Variants in ZNF407 observed in about 807,000 individuals in gnomAD.
ZNF407 encodes zinc finger protein 407.
Under a neutral mutation model 131.2 loss-of-function variants are expected in ZNF407, and 17 were observed. The observed-to-expected ratio is 0.13, with a 90% CI of 0.09 to 0.19. The LOEUF (loss-of-function observed/expected upper bound fraction) is 0.19, where lower values mean the gene tolerates loss of function less well. ZNF407 is among the 10% of genes least tolerant of loss of function. The pLI is 1.00. For synonymous variants in ZNF407, 1,156 were observed against 1,062.0 expected (o/e 1.09, Z -1.72); for missense variants, 2,681 against 2,830.6 (o/e 0.95, Z 1.20).
intron 8 of ZNF407, among the ~76,000 whole-genome samples, chr18:75,013,140 AG>A (rs1164196908): frequency 6.6e-6 from 1 of 152,138 alleles, no homozygotes; most frequent in Admixed American, 6.6e-5. Context: ...GCTGTGCTGC[AG>A]ATCGCCTGCG....
intron 8 of ZNF407, among the ~76,000 whole-genome samples, chr18:74,944,812 G>T (rs1443080026): frequency 6.6e-6 from 1 of 152,216 alleles, no homozygotes; most frequent in Non-Finnish European, 1.5e-5. Flanking sequence ...TTTTAAAGGA[G>T]TTCCAAAGAA....
chr18:74,768,741 T>C (rs1969297764), intron 3 of ZNF407, among the ~76,000 whole-genome samples: 1 of 152,220 alleles, frequency 6.6e-6, no homozygotes, highest in Non-Finnish European at 1.5e-5. Context: ...AATACCGTAA[T>C]GTGTATCTAC....
At chr18:74,637,663 G>GT (rs1019856763) in intron 2 of ZNF407, among the ~76,000 whole-genome samples, 1 of 152,002 alleles carries the variant, frequency 6.6e-6, no homozygotes, top group African/African-American at 2.4e-5. Flanking sequence ...TTAATTCAGG[G>GT]TTTTTTTCTT....
intron 8 of ZNF407, among the ~76,000 whole-genome samples, chr18:75,014,676 G>A (rs900758985): frequency 6.6e-6 from 1 of 152,128 alleles, no homozygotes; most frequent in Middle Eastern, 3.4e-3. Context: ...TGCATTGAGG[G>A]TAAGGGACAT....
intron 3 of ZNF407, among the ~76,000 whole-genome samples, chr18:74,687,996 A>C (rs1475255086): frequency 6.6e-6 from 1 of 152,200 alleles, no homozygotes. Flanking sequence ...AAATTAATTT[A>C]AAGGGATAAT....
chr18:74,900,137 A>T (rs1971504550), intron 7 of ZNF407, among the ~76,000 whole-genome samples: 1 of 152,234 alleles, frequency 6.6e-6, no homozygotes, highest in Non-Finnish European at 1.5e-5. Context: ...GATGGCTAGT[A>T]CAGTGTATAC....
chr18:74,707,363 G>T (rs1353301812), intron 3 of ZNF407, among the ~76,000 whole-genome samples: 1 of 152,144 alleles, frequency 6.6e-6, no homozygotes, highest in East Asian at 1.9e-4. Flanking sequence ...GTAAGTACAG[G>T]CTGAGCATCC....
At chr18:74,796,716 A>G (rs1224643298) in intron 4 of ZNF407, among the ~76,000 whole-genome samples, 1 of 152,152 alleles carries the variant, frequency 6.6e-6, no homozygotes, top group Non-Finnish European at 1.5e-5. Context: ...TAGGTGACAG[A>G]TTAAAAATGC....
intron 3 of ZNF407, among the ~76,000 whole-genome samples, chr18:74,650,467 G>T (rs1985176569): frequency 6.6e-6 from 1 of 152,168 alleles, no homozygotes; most frequent in Admixed American, 6.5e-5. Flanking sequence ...GAGAGAAACG[G>T]AGCACCTTTC....
At chr18:74,979,659 A>C (rs985111897) in intron 8 of ZNF407, among the ~76,000 whole-genome samples, 6 of 152,248 alleles carry the variant, frequency 3.9e-5, no homozygotes, top group African/African-American at 1.2e-4. Flanking sequence ...CTAAGATAGC[A>C]GTGGAAAAAT....
At chr18:75,044,266 A>C (rs1973406790) in intron 8 of ZNF407, among the ~76,000 whole-genome samples, 1 of 152,088 alleles carries the variant, frequency 6.6e-6, no homozygotes, top group South Asian at 2.1e-4. Flanking sequence ...TTGAAAAAAA[A>C]CACTATATTC....
At chr18:74,610,999 A>C (rs1358384943) in intron 1 of ZNF407, among the ~76,000 whole-genome samples, 1 of 152,240 alleles carries the variant, frequency 6.6e-6, no homozygotes, top group East Asian at 1.9e-4. Flanking sequence ...AACCTCAATG[A>C]AGTAATGGTT....
chr18:75,000,188 G>T (rs558174078), intron 8 of ZNF407, among the ~76,000 whole-genome samples: 33 of 152,284 alleles, frequency 2.2e-4, no homozygotes, highest in Middle Eastern at 3.4e-3. Context: ...AGTGTCAGGG[G>T]GACGTGAGTT....
At chr18:74,714,792 T>G (rs1814521751) in intron 3 of ZNF407, among the ~76,000 whole-genome samples, 2 of 152,156 alleles carry the variant, frequency 1.3e-5, no homozygotes, top group Non-Finnish European at 2.9e-5. Context: ...TTTTGAAGTG[T>G]TTTTTTACAA....
intron 8 of ZNF407, among the ~76,000 whole-genome samples, chr18:74,983,734 A>G (rs1411951521): frequency 6.6e-6 from 1 of 152,244 alleles, no homozygotes; most frequent in African/African-American, 2.4e-5. Flanking sequence ...GGGACACGCC[A>G]GGAGCATCCA....
chr18:74,734,377 A>G (rs77195355), intron 3 of ZNF407, among the ~76,000 whole-genome samples: 32 of 152,266 alleles, frequency 2.1e-4, no homozygotes, highest in Non-Finnish European at 3.8e-4. Flanking sequence ...CACCTGTGAA[A>G]ACTTAGTTGT....
intron 3 of ZNF407, among the ~76,000 whole-genome samples, chr18:74,694,415 C>G (rs1350838469): frequency 1.3e-5 from 2 of 151,764 alleles, no homozygotes; most frequent in Non-Finnish European, 2.9e-5. Context: ...AGATATAGCT[C>G]CCTTTATTAA....
At chr18:74,950,392 G>A (rs991293222) in intron 8 of ZNF407, among the ~76,000 whole-genome samples, 2 of 152,120 alleles carry the variant, frequency 1.3e-5, no homozygotes, top group African/African-American at 4.8e-5. Flanking sequence ...ATGAATTGTG[G>A]CTCTTGTTTT....
chr18:74,629,859 A>G (rs1041902098), intron 1 of ZNF407, among the ~76,000 whole-genome samples: 2 of 152,210 alleles, frequency 1.3e-5, no homozygotes, highest in Non-Finnish European at 2.9e-5. Flanking sequence ...AATGAAAAAT[A>G]AAATCAATAT....
Sources: allele counts gnomAD v4.1 joint callset (sites outside exome capture counted in the v4.1 genomes callset), GRCh38; gene constraint gnomAD v4.1.1; transcripts MANE v1.5; gene names NCBI Gene and HGNC (gene_info 2026-07-23, HGNC 2026-07-21).